SMYD3: variants seen among roughly 807,000 people sequenced by gnomAD.
The protein encoded by SMYD3 is SET and MYND domain containing 3.
SMYD3 carries 36 observed loss-of-function variants against 57.7 expected under a neutral mutation model. The ratio of observed to expected loss-of-function variants is 0.62; its 90% CI spans 0.48 to 0.82. The LOEUF (loss-of-function observed/expected upper bound fraction) is 0.82. Ranked by LOEUF, SMYD3 falls within the 40% of genes least tolerant of loss-of-function variation. The pLI is 0.00. For missense variants in SMYD3, 515 were observed against 538.8 expected (o/e 0.96, Z 0.44); for synonymous variants, 211 against 195.0 (o/e 1.08, Z -0.68).
In SMYD3 at chr1:246,032,371, C is replaced by A. The variant is rs1288244368; in HGVS notation, c.532-102434G>T. On this transcript the variant is annotated intron_variant, in intron 5 of 11. Coordinates refer to ENST00000490107, the MANE Select transcript of SMYD3 (RefSeq NM_001167740.2). ...CTGGGAATCTCTCACTCTCCCCCTC[C>A]TCTACCCACATATTTGCCGCTAACA... is the stretch of plus-strand genomic sequence containing the variant. 2.0e-5 allele frequency among the ~76,000 whole-genome samples: 3 copies of A among 152,182 alleles called. No homozygotes were observed. The East Asian group carries it at 5.8e-4, about 29-fold the overall frequency.
chr1:245,791,547 T>C (rs1224192262), intron 10 of SMYD3, among the ~76,000 whole-genome samples: 1 of 144,902 alleles, frequency 6.9e-6, no homozygotes, highest in Non-Finnish European at 1.5e-5. Flanking sequence ...AGACAGATTA[T>C]CATTTTCTGT....
intron 10 of SMYD3, chr1:245,814,434 T>A (rs555641174): frequency 6.3e-6 from 6 of 946,454 alleles, no homozygotes; most frequent in Non-Finnish European, 7.5e-6. Context: ...AAAAAAAAAA[T>A]AAAAACGAAA....
intron 5 of SMYD3, among the ~76,000 whole-genome samples, chr1:246,091,605 G>A (rs2060824738): frequency 6.6e-6 from 1 of 151,982 alleles, no homozygotes; most frequent in African/African-American, 2.4e-5. Context: ...ATTGATTTGT[G>A]CTCTGGCATT....
intron 5 of SMYD3, among the ~76,000 whole-genome samples, chr1:246,009,896 G>A (rs1297280568): frequency 7.3e-5 from 8 of 109,110 alleles, no homozygotes; most frequent in South Asian, 3.4e-4. Flanking sequence ...TGCAACCTCC[G>A]CTTCGTGTCG....
At chr1:246,126,351 C>T (rs187182105) in intron 5 of SMYD3, among the ~76,000 whole-genome samples, 19 of 152,322 alleles carry the variant, frequency 1.2e-4, no homozygotes, top group African/African-American at 3.9e-4. Flanking sequence ...TCAGATGTTC[C>T]ACCAGACTTG....
intron 5 of SMYD3, among the ~76,000 whole-genome samples, chr1:246,062,887 A>G (rs1317760273): frequency 1.3e-5 from 2 of 152,210 alleles, no homozygotes; most frequent in African/African-American, 4.8e-5. Flanking sequence ...ATAATAATAA[A>G]TGCTAGCTCA....
At position 245,998,493 on chromosome 1, in the gene SMYD3, G is replaced by T. The variant is rs191171555; in HGVS notation, c.532-68556C>A. ...ACCACATGCCCATCCCATTAGGAGG[G>T]CTATTACAAAAGAAATGAAAAGTAA... On this transcript the variant is annotated intron_variant, in intron 5 of 11. Coordinates refer to ENST00000490107, the MANE Select transcript of SMYD3 (RefSeq NM_001167740.2). 5.3e-5 allele frequency among the ~76,000 whole-genome samples: 8 copies of T among 152,216 alleles called. No homozygotes were observed. In the East Asian group the frequency reaches 1.4e-3, roughly 26 times the overall value.
intron 5 of SMYD3, among the ~76,000 whole-genome samples, chr1:246,279,961 T>C (rs1780816): frequency 0.37 from 56,303 of 151,988 alleles, 11,273 homozygotes; most frequent in East Asian, 0.79. Flanking sequence ...TACTTACTCG[T>C]AGTAAGTAAG....
intron 5 of SMYD3, among the ~76,000 whole-genome samples, chr1:246,085,466 C>A (rs968980318): frequency 3.3e-5 from 5 of 152,134 alleles, no homozygotes; most frequent in South Asian, 2.1e-4. Context: ...CGTTTTATGA[C>A]CTTCCCCGAA....
chr1:245,846,190 G>A (rs556477738), intron 10 of SMYD3, among the ~76,000 whole-genome samples: 15 of 152,332 alleles, frequency 9.8e-5, no homozygotes, highest in African/African-American at 2.6e-4. Flanking sequence ...AGGGAAGGAA[G>A]GAGGGAGAGA....
At chr1:246,440,180 A>G (rs1015523991) in intron 1 of SMYD3, among the ~76,000 whole-genome samples, 13 of 152,304 alleles carry the variant, frequency 8.5e-5, no homozygotes, top group Admixed American at 3.3e-4. Flanking sequence ...GACAACCACT[A>G]TTAAACCAAT....
chr1:245,803,476 T>C (rs2047972736), intron 10 of SMYD3, among the ~76,000 whole-genome samples: 1 of 152,190 alleles, frequency 6.6e-6, no homozygotes, highest in African/African-American at 2.4e-5. Context: ...AACAGTTTCA[T>C]ATGGTTAAAT....
At chr1:245,772,007 C>A (rs922837755) in intron 10 of SMYD3, among the ~76,000 whole-genome samples, 1 of 152,216 alleles carries the variant, frequency 6.6e-6, no homozygotes, top group Non-Finnish European at 1.5e-5. Flanking sequence ...TGAATCACTG[C>A]TTCTCCATCA....
At chr1:246,503,388 A>G (rs1320452599) in intron 1 of SMYD3, among the ~76,000 whole-genome samples, 1 of 152,220 alleles carries the variant, frequency 6.6e-6, no homozygotes, top group Non-Finnish European at 1.5e-5. Flanking sequence ...GGAACTTGAG[A>G]AAACCAAAGA....
intron 10 of SMYD3, among the ~76,000 whole-genome samples, chr1:245,805,140 C>G (rs2048091275): frequency 6.6e-6 from 1 of 150,704 alleles, no homozygotes; most frequent in African/African-American, 2.5e-5. Context: ...AATAGAATTT[C>G]CTGGTAAGTG....
At chr1:246,009,291 C>T (rs892845152) in intron 5 of SMYD3, among the ~76,000 whole-genome samples, 11 of 152,254 alleles carry the variant, frequency 7.2e-5, no homozygotes, top group East Asian at 3.9e-4. Flanking sequence ...ACAAAGTATA[C>T]GTGATTTGTC....
At chr1:246,444,214 C>T (rs949683627) in intron 1 of SMYD3, among the ~76,000 whole-genome samples, 13 of 151,658 alleles carry the variant, frequency 8.6e-5, no homozygotes, top group African/African-American at 2.7e-4. Flanking sequence ...GAAACCTCCG[C>T]CTCCCAGGTT....
At chr1:245,918,455 G>C (rs565277959) in intron 7 of SMYD3, among the ~76,000 whole-genome samples, 1 of 152,290 alleles carries the variant, frequency 6.6e-6, no homozygotes, top group East Asian at 1.9e-4. Flanking sequence ...ACCTGTGTTA[G>C]AGAATGTTCT....
chr1:246,447,469 T>C (rs916069604), intron 1 of SMYD3, among the ~76,000 whole-genome samples: 1 of 152,212 alleles, frequency 6.6e-6, no homozygotes, highest in African/African-American at 2.4e-5. Flanking sequence ...TATTTGACAT[T>C]TGAAAACAAA....
Sources: gnomAD v4.1 joint callset for allele counts (sites outside exome capture counted in the v4.1 genomes callset) on GRCh38, gnomAD v4.1.1 for gene constraint, MANE v1.5 for transcripts, NCBI Gene and HGNC (gene_info 2026-07-23, HGNC 2026-07-21) for gene names.